The following MPRIP variants were observed in gnomAD, a reference collection of about 807,000 sequenced individuals.
MPRIP encodes the protein myosin phosphatase Rho-interacting protein.
Under a neutral mutation model 234.9 loss-of-function variants are expected in MPRIP, and 59 were observed. The observed-to-expected ratio is 0.25, with a 90% CI of 0.20 to 0.31. The LOEUF (loss-of-function observed/expected upper bound fraction) is 0.31. Ranked by LOEUF, MPRIP falls within the 10% of genes least tolerant of loss-of-function variation. MPRIP has a pLI of 1.00. For synonymous variants in MPRIP, 1,144 were observed against 1,263.9 expected (o/e 0.91, Z 2.01); for missense variants, 2,436 against 3,071.0 (o/e 0.79, Z 4.89).
At chr17:17,131,542 C>T in intron 4 of MPRIP, 75 bp from the exon 5 acceptor site, 1 of 1,324,298 alleles carries the variant, frequency 7.6e-7, no homozygotes, top group Non-Finnish European at 1.1e-6. Context: ...TCCTGGACCA[C>T]CCGGCAAGGG....
intron 4 of MPRIP, among the ~76,000 whole-genome samples, chr17:17,130,315 CCTTT>C (rs879482235): frequency 1.1e-4 from 17 of 152,140 alleles, no homozygotes; most frequent in Non-Finnish European, 2.4e-4. Context: ...ACTGACCCTT[CCTTT>C]GTCTGTTTGT....
In MPRIP at chr17:17,046,859, G is replaced by A. The variant is rs138123102; in HGVS notation, c.123+3888G>A. On this transcript the variant is annotated intron_variant, in intron 1 of 23. Coordinates refer to ENST00000651222, the MANE Select transcript of MPRIP (RefSeq NM_001364716.4). ...AGACAACACATTAACGAATGAGTTC[G>A]AATGAGTTACTGTGTTCCAGTAAAA... is the stretch of plus-strand genomic sequence containing the variant. Among the ~76,000 whole-genome samples the A allele has an allele frequency of 9.2e-5, 14 of 152,282 alleles. No individual in the cohort carries two copies. In the East Asian group the frequency reaches 2.3e-3, roughly 25 times the overall value.
chr17:17,128,306 C>T (rs774996774), intron 4 of MPRIP, among the ~76,000 whole-genome samples: 2 of 152,138 alleles, frequency 1.3e-5, no homozygotes, highest in Non-Finnish European at 2.9e-5. Flanking sequence ...GTCTCCAGGG[C>T]AAGCTGGGGA....
chr17:17,102,684 A>G (rs747360834), intron 3 of MPRIP, among the ~76,000 whole-genome samples: 1 of 152,152 alleles, frequency 6.6e-6, no homozygotes, highest in Non-Finnish European at 1.5e-5. Context: ...GGGCTGACAC[A>G]GGTACCCCTC....
chr17:17,091,371 C>T (rs1348052744), intron 3 of MPRIP, among the ~76,000 whole-genome samples: 1 of 152,106 alleles, frequency 6.6e-6, no homozygotes, highest in Non-Finnish European at 1.5e-5. Context: ...GCAGGGTCCC[C>T]ACTATCACTC....
intron 5 of MPRIP, among the ~76,000 whole-genome samples, chr17:17,132,451 C>T (rs1354171485): frequency 6.6e-6 from 1 of 152,220 alleles, no homozygotes; most frequent in Non-Finnish European, 1.5e-5. Context: ...ATTCCTTTCC[C>T]TCTGTACCAT....
intron 1 of MPRIP, among the ~76,000 whole-genome samples, chr17:17,043,289 C>T (rs1461775078): frequency 6.6e-6 from 1 of 152,206 alleles, no homozygotes; most frequent in Non-Finnish European, 1.5e-5. Context: ...CGGGACCCCC[C>T]TGAGATTCTG....
intron 3 of MPRIP, among the ~76,000 whole-genome samples, chr17:17,103,230 C>T (rs16961340): frequency 0.041 from 6,215 of 152,274 alleles, 215 homozygotes; most frequent in East Asian, 0.12. Context: ...GTCAGATGCG[C>T]TCTGGTGAAA....
intron 3 of MPRIP, among the ~76,000 whole-genome samples, chr17:17,102,594 G>A (rs1466889506): frequency 6.6e-6 from 1 of 152,136 alleles, no homozygotes; most frequent in Non-Finnish European, 1.5e-5. Context: ...CCCTCCTCAG[G>A]GTCATTAAGG....
chr17:17,156,350 T>G (rs771399396), intron 13 of MPRIP, among the ~76,000 whole-genome samples: 2 of 152,100 alleles, frequency 1.3e-5, no homozygotes, highest in Non-Finnish European at 2.9e-5. Context: ...GCCTCCTGAC[T>G]AAGAATTACT....
intron 4 of MPRIP, among the ~76,000 whole-genome samples, chr17:17,128,443 T>G (rs1433901676): frequency 1.3e-5 from 2 of 152,120 alleles, no homozygotes; most frequent in Non-Finnish European, 2.9e-5. Flanking sequence ...CTGCCAGAAG[T>G]CCTCACTCCA....
At chr17:17,176,544 C>T (rs771200760) in intron 21 of MPRIP, 32 bp downstream of exon 21, 36 of 1,539,918 alleles carry the variant, frequency 2.3e-5, no homozygotes, top group Middle Eastern at 1.7e-4. Context: ...AGGGCGGGTA[C>T]GGGAACAGGC....
At chr17:17,045,962 T>C (rs2143808496) in intron 1 of MPRIP, among the ~76,000 whole-genome samples, 1 of 152,194 alleles carries the variant, frequency 6.6e-6, no homozygotes, top group South Asian at 2.1e-4. Flanking sequence ...CCCGCCACCA[T>C]GCCTGGCTAA....
At chr17:17,094,712 A>G (rs568407262) in intron 3 of MPRIP, among the ~76,000 whole-genome samples, 1 of 151,230 alleles carries the variant, frequency 6.6e-6, no homozygotes, top group East Asian at 1.9e-4. Flanking sequence ...CCAGGTTCAA[A>G]TGATTCTCCT....
chr17:17,042,747 C>G lies in MPRIP; in HGVS notation c.-102C>G. On this transcript the variant is annotated 5_prime_UTR_variant, in exon 1 of 24. Transcript: ENST00000651222. Reference sequence around the variant, plus strand: ...CGGGCCGGGCCTGCGGCGGGGCCGGCGAGGGATGCGGCGCGGCCGCGCTGA... The same window carrying G: ...CGGGCCGGGCCTGCGGCGGGGCCGGGGAGGGATGCGGCGCGGCCGCGCTGA... 1 of 828,622 alleles carries G rather than the reference C, an allele frequency of 1.2e-6. No individual in the cohort carries two copies. Among genetic ancestry groups the G allele is most frequent in the Non-Finnish European group, 1.3e-6 (1 of 756,444 alleles). The allele number at this position is 828,622 out of a possible 1,614,324, so 51.3% of individuals were successfully genotyped here.
intron 1 of MPRIP, among the ~76,000 whole-genome samples, chr17:17,051,498 C>T (rs1025136966): frequency 1.3e-5 from 2 of 152,164 alleles, no homozygotes; most frequent in East Asian, 3.9e-4. Flanking sequence ...CAGCTCTGGG[C>T]AAGGCAGCCA....
intron 3 of MPRIP, among the ~76,000 whole-genome samples, chr17:17,105,825 A>G (rs1269272840): frequency 6.6e-6 from 1 of 152,196 alleles, no homozygotes; most frequent in African/African-American, 2.4e-5. Context: ...GATCTTTATA[A>G]TAGTTTTGAT....
chr17:17,123,059 C>T (rs1327363424), intron 3 of MPRIP, among the ~76,000 whole-genome samples: 2 of 152,162 alleles, frequency 1.3e-5, no homozygotes, highest in Non-Finnish European at 2.9e-5. Context: ...AAGACTGACA[C>T]ATGCTGCAAT....
intron 9 of MPRIP, among the ~76,000 whole-genome samples, 158 bp downstream of exon 9, chr17:17,143,827 G>A (rs949868105): frequency 6.6e-6 from 1 of 152,094 alleles, no homozygotes; most frequent in Non-Finnish European, 1.5e-5. Context: ...ACAGGCCGTC[G>A]AACACAGATT....
Sources: gnomAD v4.1 joint callset for allele counts (sites outside exome capture counted in the v4.1 genomes callset) on GRCh38, gnomAD v4.1.1 for gene constraint, MANE v1.5 for transcripts, NCBI Gene and HGNC (gene_info 2026-07-23, HGNC 2026-07-21) for gene names.